Variants in GPR135 observed in about 807,000 individuals in gnomAD.
The protein encoded by GPR135 is G protein-coupled receptor 135.
In GPR135, 17 loss-of-function variants were observed where a neutral mutation model predicts 15.0. That is an observed-to-expected ratio of 1.13 (90% CI 0.78 to 1.70). GPR135 has a LOEUF of 1.70. GPR135 is among the 40% of genes most tolerant of loss of function. GPR135 has a pLI of 0.00. For missense variants in GPR135, 776 were observed against 727.0 expected, an observed-to-expected ratio of 1.07 and a Z score of -0.78; for synonymous variants, 368 against 349.4, an observed-to-expected ratio of 1.05 and a Z score of -0.59.
Position 59,463,883 on chromosome 14 carries a change from G to A in GPR135, c.1344C>T (p.Asn448=), listed in dbSNP as rs1431833663. The A allele has an allele frequency of 1.2e-6, 2 of 1,614,162 alleles. No homozygotes were observed. Among genetic ancestry groups the A allele is most frequent in the Non-Finnish European group, 1.7e-6 (2 of 1,179,994 alleles). Residue 448 remains asparagine (N), a synonymous_variant, in exon 1 of 1, where the codon AAC becomes AAT. Transcript: ENST00000395116. ...LGACNRMSSS[N]PASGVAGDVA... ...CGTCCCCTGCCACTCCGCTGGCCGG[G>A]TTGGAAGAGGACATCCTGTTGCAGG...
At chr14:59,453,584 C>T (rs1287010562) in intron 6 of GPR135, among the ~76,000 whole-genome samples, 1 of 152,150 alleles carries the variant, frequency 6.6e-6, no homozygotes, top group Non-Finnish European at 1.5e-5. Flanking sequence ...GGAAGACCAA[C>T]TGGGAACTCC....
downstream of GPR135, chr14:59,458,931 G>T (rs1430291110): frequency 6.6e-6 from 1 of 152,152 alleles, no homozygotes; most frequent in Non-Finnish European, 1.5e-5. Context: ...AGGAAAATAA[G>T]ATAGTCCTGG....
Position 59,461,518 on chromosome 14 carries a change from C to T in GPR135, c.*2224G>A, listed in dbSNP as rs890581255. Reference sequence around the variant, plus strand: ...ACAAGCCATGCCTTTCCTAAAACTTCCTGCCACCGAAAAGGTAGGGCTGGA... The same window carrying T: ...ACAAGCCATGCCTTTCCTAAAACTTTCTGCCACCGAAAAGGTAGGGCTGGA... On this transcript the variant is annotated 3_prime_UTR_variant, in exon 1 of 1. Transcript: ENST00000395116. 1 of 152,144 alleles carries T rather than the reference C, an allele frequency of 6.6e-6. No homozygotes were observed. Among genetic ancestry groups the T allele is most frequent in the East Asian group, 1.9e-4 (1 of 5,190 alleles). The allele number at this position is 152,144 out of a possible 1,614,324, so 9.4% of individuals were successfully genotyped here. A position where few individuals can be genotyped will look rare whatever the true frequency, so the allele number is the denominator to read the frequency against.
Position 59,464,791 on chromosome 14 carries a change from A to G in GPR135, c.436T>C (p.Ser146Pro). The change falls in exon 1 of 1, where the codon TCC (serine) becomes CCC (proline). Residue 146 changes from serine (S) to proline (P), a missense_variant. Ser to Pro is a moderately conservative substitution (Grantham distance 74). Coordinates refer to ENST00000395116, the MANE Select transcript of GPR135 (RefSeq NM_022571.6). ...TVTNAFILSL[S>P]LSDLLTALLC... ...AGCGCCGTGAGCAGATCCGATAGGG[A>G]CAGCGACAGGATGAAGGCGTTGGTG... 4 of 1,576,600 alleles carry G rather than the reference A, an allele frequency of 2.5e-6. No homozygotes were observed. Among genetic ancestry groups the G allele is most frequent in the South Asian group, 1.2e-5 (1 of 86,396 alleles).
At position 59,464,318 on chromosome 14, in the gene GPR135, C is replaced by T. The variant is rs771323677; in HGVS notation, c.909G>A (p.Thr303=). 1.3e-5 allele frequency: 21 copies of T among 1,611,010 alleles called. No individual in the cohort carries two copies. The highest frequency in any genetic ancestry group is 1.7e-5 in the Non-Finnish European group (20 of 1,179,060). ...GCACGCGCACGTCCGACAGGCGCAC[C>T]GTCTTGCAGATGTGGTAGTGGCAGA... ...MCFCHYHICK[T]VRLSDVRVRP... Residue 303 remains threonine, a synonymous_variant, in exon 1 of 1, where the codon ACG becomes ACA. Coordinates refer to ENST00000395116, the MANE Select transcript of GPR135 (RefSeq NM_022571.6).
In GPR135 at chr14:59,464,510, G is replaced by C. The variant is rs764737680; in HGVS notation, c.717C>G (p.Gly239=). 2 of 1,536,478 alleles carry C rather than the reference G, an allele frequency of 1.3e-6. No individual in the cohort carries two copies. The highest frequency in any genetic ancestry group is 1.7e-6 in the Non-Finnish European group (2 of 1,150,580). The part of the protein sequence containing the change: ...LLAGAWLTAL[G]FSLPWELLGA... ...CGAGCAGCTCCCAGGGCAAGGAGAA[G>C]CCCAGGGCCGTCAGCCAGGCGCCCG... Residue 239 remains glycine (G), a synonymous_variant, in exon 1 of 1, where the codon GGC becomes GGG. Transcript: ENST00000395116.
rs1355414316 is a variant in GPR135, at chr14:59,464,411, C to A, written c.816G>T (p.Gln272His). 2 of 1,592,864 alleles carry A rather than the reference C, an allele frequency of 1.3e-6. No homozygotes were observed. The highest frequency in any genetic ancestry group is 1.7e-6 in the Non-Finnish European group (2 of 1,171,086). Residue 272 changes from glutamine (Q) to histidine (H), a missense_variant, in exon 1 of 1, where the codon CAG becomes CAT. Gln to His is a conservative substitution (Grantham distance 24). Coordinates refer to ENST00000395116, the MANE Select transcript of GPR135 (RefSeq NM_022571.6). ...CLYRTSPDPA[Q>H]LGAAFSVGLV... ...GCCCCACGCTGAAGGCCGCGCCCAG[C>A]TGCGCGGGGTCCGGGGAGGTCCGGT...
downstream of GPR135, chr14:59,459,037 A>C (rs1345000152): frequency 6.6e-6 from 1 of 152,108 alleles, no homozygotes; most frequent in Non-Finnish European, 1.5e-5. Flanking sequence ...TTATAAATCA[A>C]ATGCCACAGA....
chr14:59,454,313 A>G (rs1888582276), intron 6 of GPR135, among the ~76,000 whole-genome samples: 1 of 152,118 alleles, frequency 6.6e-6, no homozygotes. Context: ...TGGAACTTGG[A>G]CTGGCTCTCC....
rs1170860541 is a variant in GPR135, at chr14:59,463,403, T to C, written c.*339A>G. 1 of 259,370 alleles carries C rather than the reference T, an allele frequency of 3.9e-6. No individual in the cohort carries two copies. 16.1% of individuals were successfully genotyped at this position (259,370 alleles called of 1,614,324 possible). On this transcript the variant is annotated 3_prime_UTR_variant, in exon 1 of 1. Coordinates refer to ENST00000395116, the MANE Select transcript of GPR135 (RefSeq NM_022571.6). ...CCTGAAATTCTGTGTAGTTGAACAA[T>C]ACTGGTTGCATTCAATGTTTTGTTT...
In GPR135 at chr14:59,464,567, C is replaced by T; in HGVS notation, c.660G>A (p.Lys220=). ...GCTGCAGCGCGCGGCGGCGGCCGATCTTCTCCCGCGGCGGCCGCACGATAG... is the reference window on the plus strand; with the variant it reads ...GCTGCAGCGCGCGGCGGCGGCCGATTTTCTCCCGCGGCGGCCGCACGATAG... ...YCAIVRPPRE[K]IGRRRALQLL... is the part of the protein sequence containing the mutation. Residue 220 remains lysine (K), a synonymous_variant, in exon 1 of 1, where the codon AAG becomes AAA. Coordinates refer to ENST00000395116, the MANE Select transcript of GPR135 (RefSeq NM_022571.6). 2 of 1,574,720 alleles carry T rather than the reference C, an allele frequency of 1.3e-6. No homozygotes were observed. Among genetic ancestry groups the T allele is most frequent in the Non-Finnish European group, 1.7e-6 (2 of 1,170,096 alleles).
At position 59,464,702 on chromosome 14, in the gene GPR135, G is replaced by A. The variant is rs773772974; in HGVS notation, c.525C>T (p.Ala175=). The change falls in exon 1 of 1, where the codon GCC becomes GCT. Residue 175 remains alanine (A), a synonymous_variant. Transcript: ENST00000395116. ...AGAAGCCGCGCCAGGGCCCCGCGGC[G>A]GCGGCAGGCGCCGAACCCCCGGGCG... ...FTPPGGSAPA[A]AAGPWRGFCA... 2.1e-5 allele frequency: 33 copies of A among 1,570,306 alleles called. No homozygotes were observed. The East Asian group carries it at 3.2e-4, about 15-fold the overall frequency.
intron 6 of GPR135, among the ~76,000 whole-genome samples, chr14:59,453,799 C>T (rs1388746895): frequency 6.6e-6 from 1 of 152,188 alleles, no homozygotes; most frequent in East Asian, 1.9e-4. Flanking sequence ...TTATTTTTCA[C>T]TCTGTACCCT....
At position 59,463,910 on chromosome 14, in the gene GPR135, C is replaced by A; in HGVS notation, c.1317G>T (p.Gly439=). The change falls in exon 1 of 1, where the codon GGG becomes GGT. Residue 439 remains glycine, a synonymous_variant. Coordinates refer to ENST00000395116, the MANE Select transcript of GPR135 (RefSeq NM_022571.6). Reference sequence around the variant, plus strand: ...TGGAAGAGGACATCCTGTTGCAGGCCCCCAGCCGGTTGGCATAGCGGTTTC... The same window carrying A: ...TGGAAGAGGACATCCTGTTGCAGGCACCCAGCCGGTTGGCATAGCGGTTTC... ...RLRNRYANRL[G]ACNRMSSSNP... 6.2e-7 allele frequency: 1 copy of A among 1,614,104 alleles called. No individual in the cohort carries two copies.
At position 59,461,932 on chromosome 14, in the gene GPR135, C is replaced by A. The variant is rs375743294; in HGVS notation, c.*1810G>T. 1.2e-4 allele frequency: 19 copies of A among 152,220 alleles called. 1 individual carries two copies. Among genetic ancestry groups the A allele is most frequent in the Admixed American group, 8.5e-4 (13 of 15,302 alleles). The allele number at this position is 152,220 out of a possible 1,614,324, so 9.4% of individuals were successfully genotyped here. A position where few individuals can be genotyped will look rare whatever the true frequency, so the allele number is the denominator to read the frequency against. ...CTGTATATGCTTTATAAAATAAGGG[C>A]TAGAGGGGAGGGATTATCTCATCTA... On this transcript the variant is annotated 3_prime_UTR_variant, in exon 1 of 1. Coordinates refer to ENST00000395116, the MANE Select transcript of GPR135 (RefSeq NM_022571.6).
chr14:59,464,686 G>C lies in GPR135; in HGVS notation c.541C>G (p.Arg181Gly). The change falls in exon 1 of 1, where the codon CGC becomes GGC. Residue 181 changes from arginine (R) to glycine (G), a missense_variant. Arg to Gly is a moderately radical substitution (Grantham distance 125, BLOSUM62 -2). Coordinates refer to ENST00000395116, the MANE Select transcript of GPR135 (RefSeq NM_022571.6). ...AAGCGGCTGGCGGCGCAGAAGCCGCGCCAGGGCCCCGCGGCGGCGGCAGGC... is the reference window on the plus strand; with the variant it reads ...AAGCGGCTGGCGGCGCAGAAGCCGCCCCAGGGCCCCGCGGCGGCGGCAGGC... Reference protein sequence around the residue: ...SAPAAAAGPWRGFCAASRFFS... With the variant: ...SAPAAAAGPWGGFCAASRFFS... 1.3e-6 allele frequency: 2 copies of C among 1,581,184 alleles called. No individual in the cohort carries two copies. The highest frequency in any genetic ancestry group is 1.7e-6 in the Non-Finnish European group (2 of 1,168,684).
chr14:59,454,842 C>T (rs1006645479), intron 6 of GPR135, among the ~76,000 whole-genome samples: 1 of 152,110 alleles, frequency 6.6e-6, no homozygotes, highest in East Asian at 1.9e-4. Context: ...TGGCTCACAC[C>T]TGTAATCCCA....
Position 59,461,072 on chromosome 14 carries a change from T to A in GPR135, c.*2670A>T, listed in dbSNP as rs1445096836. On this transcript the variant is annotated 3_prime_UTR_variant, in exon 1 of 1. Coordinates refer to ENST00000395116, the MANE Select transcript of GPR135 (RefSeq NM_022571.6). ...CACAAGTAAACTTGTTATGGCTGAT[T>A]GTTGTTACAAAGCCACAAGGTCCTT... is the stretch of plus-strand genomic sequence containing the variant. 6.6e-6 allele frequency: 1 copy of A among 152,246 alleles called. No individual in the cohort carries two copies. Among genetic ancestry groups the A allele is most frequent in the Admixed American group, 6.5e-5 (1 of 15,286 alleles). The allele number at this position is 152,246 out of a possible 1,614,324, so 9.4% of individuals were successfully genotyped here.
At chr14:59,459,912 A>G (rs1888795977), downstream of GPR135, among the ~76,000 whole-genome samples, 1 of 152,260 alleles carries the variant, frequency 6.6e-6, no homozygotes, top group African/African-American at 2.4e-5. Flanking sequence ...GACCAGCTTC[A>G]TTATAATTGG....
Sources: gnomAD v4.1 joint callset for allele counts (sites outside exome capture counted in the v4.1 genomes callset) on GRCh38, gnomAD v4.1.1 for gene constraint, MANE v1.5 for transcripts, NCBI Gene and HGNC (gene_info 2026-07-23, HGNC 2026-07-21) for gene names.